Variants in MCF2 observed in about 807,000 individuals in gnomAD.
MCF2 encodes the protein proto-oncogene DBL.
Under a neutral mutation model 82.5 loss-of-function variants are expected in MCF2, and 44 were observed. The ratio of observed to expected loss-of-function variants is 0.53; its 90% confidence interval spans 0.42 to 0.69. The LOEUF (loss-of-function observed/expected upper bound fraction) is 0.69. Among genes scored for constraint, MCF2 ranks in the 30% least tolerant of loss-of-function variants. MCF2 has a pLI of 0.00. For missense variants in MCF2, 623 were observed against 663.1 expected (o/e 0.94, Z 0.66); for synonymous variants, 217 against 224.9 (o/e 0.96, Z 0.32).
At chrX:139,675,235 G>A (rs1290645060) in intron 1 of MCF2, among the ~76,000 whole-genome samples, 4 of 111,961 alleles carry the variant, frequency 3.6e-5, no homozygotes, top group Non-Finnish European at 7.5e-5. Flanking sequence ...TCCTTGCTAT[G>A]GGTTCAAACA....
chrX:139,587,047 C>T (rs951947190), intron 22 of MCF2, among the ~76,000 whole-genome samples: 3 of 111,652 alleles, frequency 2.7e-5, no homozygotes, highest in Non-Finnish European at 5.6e-5. Flanking sequence ...TGACATGCAG[C>T]GAAGGAAAAA....
chrX:139,601,735 C>T (rs1437233653), intron 16 of MCF2, among the ~76,000 whole-genome samples: 1 of 111,332 alleles, frequency 9.0e-6, no homozygotes. Flanking sequence ...CAGATGACAG[C>T]TGCGCAACAA....
intron 4 of MCF2, among the ~76,000 whole-genome samples, chrX:139,627,695 A>AG (rs765426625): frequency 8.9e-6 from 1 of 112,028 alleles, no homozygotes; most frequent in East Asian, 2.8e-4. Context: ...TGTTATACAT[A>AG]GATCAGTTTC....
intron 1 of MCF2, among the ~76,000 whole-genome samples, chrX:139,683,356 T>C (rs147459361): frequency 0.026 from 2,967 of 112,715 alleles, 99 homozygotes; most frequent in African/African-American, 0.09. Flanking sequence ...GAATGGTCCA[T>C]AGTTTGGGAA....
intron 2 of MCF2, 134 bp downstream of exon 2, chrX:139,651,586 G>T: frequency 2.7e-6 from 1 of 373,211 alleles, no homozygotes; most frequent in African/African-American, 2.5e-5. Context: ...AATGTTTATT[G>T]AAATAGTGCT....
chrX:139,690,951 G>A (rs1197699860), intron 1 of MCF2, among the ~76,000 whole-genome samples: 2 of 111,041 alleles, frequency 1.8e-5, no homozygotes, highest in East Asian at 2.8e-4. Flanking sequence ...GGCCCCATAG[G>A]AACGCAGCCC....
At chrX:139,602,147 T>C (rs1930601851) in intron 16 of MCF2, among the ~76,000 whole-genome samples, 1 of 110,763 alleles carries the variant, frequency 9.0e-6, no homozygotes, top group Admixed American at 9.7e-5. Context: ...TCTTCCATAG[T>C]ATAAAGGATA....
intron 11 of MCF2, among the ~76,000 whole-genome samples, chrX:139,609,505 C>T: frequency 9.1e-6 from 1 of 110,311 alleles, no homozygotes; most frequent in Non-Finnish European, 1.9e-5. Context: ...GCTATGATCG[C>T]ACCACTGTAG....
chrX:139,667,217 G>T (rs1934548785), intron 1 of MCF2, among the ~76,000 whole-genome samples: 2 of 98,318 alleles, frequency 2.0e-5, no homozygotes. Flanking sequence ...TTTTTTGACA[G>T]GTTCTTGCTC....
Position 139,617,459 on chromosome X carries a change from C to A in MCF2, c.999+54G>T, listed in dbSNP as rs1469587053. On this transcript the variant is annotated intron_variant, in intron 8 of 24. Coordinates refer to ENST00000370576, the Ensembl canonical transcript of MCF2. ...GCAAGGTGCTTCAGGCTAGCAGGAC[C>A]TGGAAAAAAATGTGTGTTCCTTTTC... The A allele has an allele frequency of 3.0e-6, 3 of 1,015,423 alleles. No homozygotes were observed. The East Asian group carries it at 1.0e-4, about 34-fold the overall frequency. 83.7% of individuals were successfully genotyped at this position (1,015,423 alleles called of 1,213,427 possible).
chrX:139,644,811 C>G (rs1246863948), upstream of MCF2, among the ~76,000 whole-genome samples: 1 of 111,982 alleles, frequency 8.9e-6, no homozygotes, highest in African/African-American at 3.2e-5. Context: ...CCCAGCTATT[C>G]TAGTCTGATA....
At chrX:139,657,786 T>C (rs1489321864) in intron 1 of MCF2, among the ~76,000 whole-genome samples, 2 of 111,615 alleles carry the variant, frequency 1.8e-5, no homozygotes, top group African/African-American at 6.5e-5. Flanking sequence ...CATTGGTTGG[T>C]TTTTACCCTC....
intron 15 of MCF2, among the ~76,000 whole-genome samples, chrX:139,604,167 T>C (rs1391651592): frequency 1.8e-5 from 2 of 111,625 alleles, no homozygotes; most frequent in Admixed American, 9.5e-5. Flanking sequence ...CCCTAAATGC[T>C]TTTGTTGAAT....
In MCF2 at chrX:139,582,146, A is replaced by G. The variant is rs749849594; in HGVS notation, c.*325T>C. On this transcript the variant is annotated 3_prime_UTR_variant, in exon 25 of 25. Transcript: ENST00000370576. ...TAATTTTGACTTAATTCATTAATAAACTAAATAATCCAAGGCACACCGATT... is the reference window on the plus strand; with the variant it reads ...TAATTTTGACTTAATTCATTAATAAGCTAAATAATCCAAGGCACACCGATT... The G allele has an allele frequency of 1.3e-5, 4 of 304,905 alleles. No individual in the cohort carries two copies. The South Asian group carries it at 2.4e-4, about 18-fold the overall frequency. 25.1% of individuals were successfully genotyped at this position (304,905 alleles called of 1,213,427 possible). A position where few individuals can be genotyped will look rare whatever the true frequency, so the allele number is the denominator to read the frequency against.
chrX:139,671,795 A>G (rs771251408), intron 1 of MCF2, among the ~76,000 whole-genome samples: 2 of 111,837 alleles, frequency 1.8e-5, no homozygotes, highest in East Asian at 5.6e-4. Flanking sequence ...TAGGCAATGG[A>G]GGCTCTTTTT....
chrX:139,588,385 C>T, exon 21 of MCF2: 1 of 1,201,331 alleles, frequency 8.3e-7, no homozygotes. Context: ...GCTGCTTCAA[C>T]AAAATATTTC....
intron 1 of MCF2, among the ~76,000 whole-genome samples, chrX:139,633,219 C>T (rs1166185437): frequency 1.8e-5 from 2 of 111,434 alleles, no homozygotes; most frequent in African/African-American, 6.5e-5. Flanking sequence ...GCGTCTAGAA[C>T]TTGCTGGCAC....
intron 3 of MCF2, among the ~76,000 whole-genome samples, chrX:139,630,983 G>C (rs188150390): frequency 8.9e-6 from 1 of 111,878 alleles, no homozygotes; most frequent in Non-Finnish European, 1.9e-5. Context: ...GTGAGGTAAG[G>C]TATTATTAGT....
chrX:139,692,206 G>A (rs1272440855), intron 1 of MCF2: 9 of 803,502 alleles, frequency 1.1e-5, no homozygotes, highest in Non-Finnish European at 1.6e-5. Flanking sequence ...AGCCGGGCAG[G>A]GCCGCTACTC....
Sources: gnomAD v4.1 joint callset for allele counts (sites outside exome capture counted in the v4.1 genomes callset) on GRCh38, gnomAD v4.1.1 for gene constraint, MANE v1.5 for transcripts, NCBI Gene and HGNC (gene_info 2026-07-23, HGNC 2026-07-21) for gene names.